The following MDN1 variants were observed in gnomAD, a reference collection of about 807,000 sequenced individuals.
MDN1 encodes midasin.
Under a neutral mutation model 669.2 loss-of-function variants are expected in MDN1, and 266 were observed. That is an observed-to-expected ratio of 0.40 (90% CI 0.36 to 0.44). The LOEUF is 0.44. Among genes scored for constraint, MDN1 ranks in the 20% least tolerant of loss-of-function variants. The pLI is 1.00. For synonymous variants in MDN1, 2,385 were observed against 2,457.1 expected, an observed-to-expected ratio of 0.97 and a Z score of 0.87; for missense variants, 5,940 against 6,754.0, an observed-to-expected ratio of 0.88 and a Z score of 4.22.
Position 89,702,025 on chromosome 6 carries a change from T to C in MDN1, c.8185A>G (p.Thr2729Ala), listed in dbSNP as rs1584226650. 2 of 1,612,660 alleles carry C rather than the reference T, an allele frequency of 1.2e-6. No individual in the cohort carries two copies. Among genetic ancestry groups the C allele is most frequent in the East Asian group, 2.2e-5 (1 of 44,818 alleles). Reference protein sequence around the residue: ...GSLRWRDRFWTVADTVKVDAP... With the variant: ...GSLRWRDRFWAVADTVKVDAP... The stretch of plus-strand genomic sequence containing the variant: ...TCTACTTTTACTGTGTCGGCCACAG[T>C]CCAGAACCGGTCCCGCCACCGCAGA... The change falls in exon 54 of 102, where the codon ACT (threonine) becomes GCT (alanine). Residue 2729 changes from threonine (T) to alanine (A), a missense_variant. Thr to Ala is a moderately conservative substitution (Grantham distance 58). Around this residue, in one of 5 missense-constraint regions of MDN1, gnomAD observed 2,292 missense variants for 2,638.3 expected, o/e 0.87. Transcript: ENST00000369393.
intron 37 of MDN1, among the ~76,000 whole-genome samples, chr6:89,726,443 G>A (rs1410401252): frequency 7.5e-5 from 11 of 147,632 alleles, no homozygotes; most frequent in Non-Finnish European, 1.2e-4. Context: ...CAGCCTGGGC[G>A]GCAGACTGAG....
In MDN1 at chr6:89,749,331, C is replaced by T. The variant is rs1306808016; in HGVS notation, c.3654G>A (p.Leu1218=). 6.2e-7 allele frequency: 1 copy of T among 1,614,120 alleles called. No individual in the cohort carries two copies. The highest frequency in any genetic ancestry group is 8.5e-7 in the Non-Finnish European group (1 of 1,180,016). Residue 1218 remains leucine (L), a synonymous_variant, in exon 26 of 102, where the codon TTG becomes TTA. Coordinates refer to ENST00000369393, the MANE Select transcript of MDN1 (RefSeq NM_014611.3). ...CGGAGCTAGGTAACTCATCAAAGTG[C>T]AATTCCACAAACCGATTCCTGAAGG... is the stretch of plus-strand genomic sequence containing the variant. ...SRAFRNRFVE[L]HFDELPSSEL...
chr6:89,656,068 A>T (rs1229134565), intron 91 of MDN1, 100 bp from the exon 92 acceptor site: 5 of 1,021,562 alleles, frequency 4.9e-6, no homozygotes, highest in Non-Finnish European at 7.1e-6. Flanking sequence ...TAAGTAAATC[A>T]GGTGTAGCCA....
At position 89,781,450 on chromosome 6, in the gene MDN1, G is replaced by C. The variant is rs779714219; in HGVS notation, c.1592C>G (p.Ala531Gly). ...GGTTGGTCTTTTGTTTTCTCTTCTG[G>C]CTTCTGAAACTTCTTCAGGTGCCTG... is the stretch of plus-strand genomic sequence containing the variant. ...CEQAPEEVSE[A>G]RRENKRPTLE... Residue 531 changes from alanine (A) to glycine (G), a missense_variant, in exon 10 of 102, where the codon GCC (alanine) becomes GGC (glycine). By Grantham distance (60) the Ala-to-Gly change is moderately conservative. Transcript: ENST00000369393. The C allele has an allele frequency of 1.2e-6, 2 of 1,613,962 alleles. No homozygotes were observed. Among genetic ancestry groups the C allele is most frequent in the Admixed American group, 3.3e-5 (2 of 59,986 alleles).
At chr6:89,749,431 T>G in intron 25 of MDN1, 62 bp from the exon 26 acceptor site, 1 of 1,598,350 alleles carries the variant, frequency 6.3e-7, no homozygotes, top group Non-Finnish European at 8.5e-7. Context: ...ATGGAGGCTC[T>G]GACATTCACC....
Position 89,658,617 on chromosome 6 carries a change from T to G in MDN1, c.15014A>C (p.Gln5005Pro), listed in dbSNP as rs1168186363. ...CCAGACATCTCATGATACCTGGGGC[T>G]GGAAACCTTGGTCAGCAGGGCCATT... ...GENGPADQGF[Q>P]PQEEEEREDS... The change falls in exon 89 of 102, where the codon CAG (glutamine) becomes CCG (proline). Residue 5005 changes from glutamine to proline, a missense_variant. Physicochemically the swap from Gln to Pro is moderately conservative, Grantham distance 76. Transcript: ENST00000369393. 6.2e-7 allele frequency: 1 copy of G among 1,606,446 alleles called. No homozygotes were observed. The highest frequency in any genetic ancestry group is 1.3e-5 in the African/African-American group (1 of 74,688).
At chr6:89,667,459 A>G (rs1410381843) in intron 84 of MDN1, among the ~76,000 whole-genome samples, 2 of 152,220 alleles carry the variant, frequency 1.3e-5, no homozygotes, top group African/African-American at 4.8e-5. Context: ...AACTTAGAAT[A>G]TAAGTGATAC....
Position 89,706,177 on chromosome 6 carries a change from T to G in MDN1, c.8030A>C (p.His2677Pro), listed in dbSNP as rs780513453. The part of the protein sequence containing the change: ...FEFHQDPESY[H>P]TLPHEIVVNL... ...GACCACAATTTCATGGGGCAGAGTG[T>G]GATAGCTTTCTGGATCTGAGAGTCA... The change falls in exon 53 of 102, where the codon CAC becomes CCC. Residue 2677 changes from histidine to proline, a missense_variant. This residue lies in a region of MDN1 where 2,292 missense variants were observed against 2,638.3 expected (regional missense o/e 0.87). Transcript: ENST00000369393. 6.2e-7 allele frequency: 1 copy of G among 1,612,530 alleles called. No homozygotes were observed. Among genetic ancestry groups the G allele is most frequent in the Non-Finnish European group, 8.5e-7 (1 of 1,179,184 alleles).
chr6:89,776,796 A>G (rs1818378552), intron 11 of MDN1, 101 bp from the exon 12 acceptor site: 3 of 807,372 alleles, frequency 3.7e-6, no homozygotes, highest in South Asian at 2.3e-5. Flanking sequence ...CACAAAATCC[A>G]GCAGGAACAT....
intron 31 of MDN1, among the ~76,000 whole-genome samples, chr6:89,741,822 C>A (rs563964228): frequency 6.6e-6 from 1 of 152,202 alleles, no homozygotes; most frequent in Non-Finnish European, 1.5e-5. Flanking sequence ...TAGCCTCGGC[C>A]GGGCACAGTG....
intron 36 of MDN1, among the ~76,000 whole-genome samples, chr6:89,728,645 A>G (rs1269051753): frequency 1.3e-5 from 2 of 152,202 alleles, no homozygotes; most frequent in Non-Finnish European, 1.5e-5. Context: ...AGCCTGGCCA[A>G]CATGGTGAAA....
rs1029570921 is a variant in MDN1 at position 89,782,765 on chromosome 6, C to A, written c.1450-1173G>T. Among the ~76,000 whole-genome samples the A allele has an allele frequency of 5.3e-5, 8 of 151,994 alleles. No homozygotes were observed. In the South Asian group the frequency reaches 1.5e-3, roughly 28 times the overall value. On this transcript the variant is annotated intron_variant, in intron 9 of 101. Coordinates refer to ENST00000369393, the MANE Select transcript of MDN1 (RefSeq NM_014611.3). ...ACCAACCTGGCCAACATGGTGAAAC[C>A]CTGTCTCTACTAAAAATTAAAAAAT...
At chr6:89,703,942 G>C (rs1334971664) in intron 53 of MDN1, among the ~76,000 whole-genome samples, 1 of 149,668 alleles carries the variant, frequency 6.7e-6, no homozygotes, top group Non-Finnish European at 1.5e-5. Flanking sequence ...GAAACCAGCA[G>C]GCAGAGGTTG....
In MDN1 at chr6:89,692,470, G is replaced by C. The variant is rs1245912903; in HGVS notation, c.10560C>G (p.Ala3520=). ...VLCKGELDQR[A]LQLFRHVCQE... ...GACACACATGTCTGAAGAGCTGCAGGGCCCTCTGGTCCAACTCTCCCTTGC... is the reference window on the plus strand; with the variant it reads ...GACACACATGTCTGAAGAGCTGCAGCGCCCTCTGGTCCAACTCTCCCTTGC... The change falls in exon 63 of 102, where the codon GCC becomes GCG. Residue 3520 remains alanine (A), a synonymous_variant. Coordinates refer to ENST00000369393, the MANE Select transcript of MDN1 (RefSeq NM_014611.3). The C allele has an allele frequency of 1.2e-6, 2 of 1,613,350 alleles. No individual in the cohort carries two copies. Among genetic ancestry groups the C allele is most frequent in the African/African-American group, 1.3e-5 (1 of 74,902 alleles).
In MDN1 at chr6:89,671,017, G is replaced by C. The variant is rs146506941; in HGVS notation, c.13858C>G (p.Leu4620Val). Residue 4620 changes from leucine (L) to valine (V), a missense_variant, in exon 83 of 102, where the codon CTC (leucine) becomes GTC (valine). Around this residue, in one of 5 missense-constraint regions of MDN1, gnomAD observed 2,280 missense variants for 2,576.3 expected, o/e 0.88. Transcript: ENST00000369393. The part of the protein sequence containing the change: ...LVPVLSSYSD[L>V]VLFFLTMSLA... ...GACATGGTCAGGAAGAAGAGGACGA[G>C]GTCTGAGTAGCTGGAGAGGACCGGC... 2 of 1,613,976 alleles carry C rather than the reference G, an allele frequency of 1.2e-6. No individual in the cohort carries two copies. Among genetic ancestry groups the C allele is most frequent in the African/African-American group, 2.7e-5 (2 of 74,882 alleles).
chr6:89,713,029 G>A (rs1814062692), intron 47 of MDN1, 119 bp downstream of exon 47: 2 of 1,116,086 alleles, frequency 1.8e-6, no homozygotes, highest in South Asian at 3.2e-5. Flanking sequence ...CTCTATTAGA[G>A]CAAACTGCAG....
intron 21 of MDN1, 49 bp from the exon 22 acceptor site, chr6:89,753,671 A>G: frequency 2.1e-6 from 3 of 1,395,508 alleles, no homozygotes; most frequent in Non-Finnish European, 3.1e-6. Flanking sequence ...CTTCTGCAAT[A>G]CAACCAAACT....
At position 89,674,260 on chromosome 6, in the gene MDN1, C is replaced by T. The variant is rs1418338200; in HGVS notation, c.13091G>A (p.Gly4364Glu). The T allele has an allele frequency of 2.4e-5, 39 of 1,614,110 alleles. No individual in the cohort carries two copies. Among genetic ancestry groups the T allele is most frequent in the Non-Finnish European group, 3.2e-5 (38 of 1,180,046 alleles). ...SNLSYPSPIP[G>E]SQLPSGCRMR... is the part of the protein sequence containing the mutation. Reference sequence around the variant, plus strand: ...CCGGCAACCAGAGGGCAGCTGACTTCCAGGTATTGGAGATGGGTAGCTCAG... The same window carrying T: ...CCGGCAACCAGAGGGCAGCTGACTTTCAGGTATTGGAGATGGGTAGCTCAG... Residue 4364 changes from glycine (G) to glutamate (E), a missense_variant, in exon 79 of 102, where the codon GGA becomes GAA. Transcript: ENST00000369393.
At chr6:89,685,071 A>T in intron 70 of MDN1, 86 bp from the exon 71 acceptor site, 1 of 789,970 alleles carries the variant, frequency 1.3e-6, no homozygotes. Context: ...TTCAGTGATG[A>T]CCCTTCCTCA....
Sources: allele counts gnomAD v4.1 joint callset (sites outside exome capture counted in the v4.1 genomes callset), GRCh38; gene constraint gnomAD v4.1.1; regional missense constraint gnomAD v4.1.1; transcripts MANE v1.5; gene names NCBI Gene and HGNC (gene_info 2026-07-23, HGNC 2026-07-21).